RALYL: variants seen among roughly 807,000 people sequenced by gnomAD.
RALYL encodes the protein RNA-binding Raly-like protein.
In RALYL, 29 loss-of-function variants were observed where a neutral mutation model predicts 35.1. That is an observed-to-expected ratio of 0.83 (90% CI 0.61 to 1.13). The LOEUF (loss-of-function observed/expected upper bound fraction) is 1.13, where lower values mean the gene tolerates loss of function less well. Among genes scored for constraint, RALYL ranks in the 50% most tolerant of loss-of-function variants. The pLI is 0.00. For missense variants in RALYL, 359 were observed against 360.4 expected, an observed-to-expected ratio of 1.00 and a Z score of 0.03; for synonymous variants, 120 against 127.6, an observed-to-expected ratio of 0.94 and a Z score of 0.40.
chr8:84,815,580 G>A (rs1827036674), intron 4 of RALYL, among the ~76,000 whole-genome samples: 1 of 151,490 alleles, frequency 6.6e-6, no homozygotes, highest in Admixed American at 6.6e-5. Context: ...GAGGGCTTAA[G>A]TTTGGGGGCT....
chr8:84,687,446 T>C (rs1051684249), intron 2 of RALYL, among the ~76,000 whole-genome samples: 1 of 152,224 alleles, frequency 6.6e-6, no homozygotes, highest in Non-Finnish European at 1.5e-5. Context: ...ACTGATTAGG[T>C]TAATTGATTT....
At chr8:84,342,363 C>T (rs76142458) in intron 1 of RALYL, among the ~76,000 whole-genome samples, 3 of 141,434 alleles carry the variant, frequency 2.1e-5, no homozygotes, top group Admixed American at 7.2e-5. Context: ...ACACATTAAT[C>T]GTCTGTGAAG....
At chr8:84,367,802 A>T (rs1854795724) in intron 1 of RALYL, among the ~76,000 whole-genome samples, 1 of 152,122 alleles carries the variant, frequency 6.6e-6, no homozygotes, top group Non-Finnish European at 1.5e-5. Flanking sequence ...ATTATAGGTA[A>T]GATATCCTAG....
At position 84,804,759 on chromosome 8, in the gene RALYL, T is replaced by A; in HGVS notation, c.333-11T>A. ...TTTATATTAAAAGAAAATTTTCATA[T>A]TTTTTCATAGACTTGAATCAAAGGA... is the stretch of plus-strand genomic sequence containing the variant. On this transcript the variant is annotated splice_polypyrimidine_tract_variant and intron_variant, in intron 3 of 8. Coordinates refer to ENST00000521268, the MANE Select transcript of RALYL (RefSeq NM_173848.7). 1 of 1,167,622 alleles carries A rather than the reference T, an allele frequency of 8.6e-7. No homozygotes were observed. Among genetic ancestry groups the A allele is most frequent in the Non-Finnish European group, 1.1e-6 (1 of 891,728 alleles). The allele number at this position is 1,167,622 out of a possible 1,614,324, so 72.3% of individuals were successfully genotyped here.
chr8:84,648,790 T>C (rs570241153), intron 2 of RALYL, among the ~76,000 whole-genome samples: 14 of 150,966 alleles, frequency 9.3e-5, no homozygotes, highest in Admixed American at 7.3e-4. Context: ...TGAATATGTA[T>C]GTGTATTATT....
chr8:84,354,238 G>A (rs1438118072), intron 1 of RALYL, among the ~76,000 whole-genome samples: 3 of 150,218 alleles, frequency 2.0e-5, no homozygotes, highest in Non-Finnish European at 4.4e-5. Context: ...GTTACTAGAA[G>A]GCACTTGAAC....
At chr8:84,764,642 T>C (rs958513260) in intron 2 of RALYL, among the ~76,000 whole-genome samples, 1 of 152,202 alleles carries the variant, frequency 6.6e-6, no homozygotes, top group Non-Finnish European at 1.5e-5. Context: ...GGCCAACCAA[T>C]GATCTCTACA....
At chr8:84,280,921 T>A (rs1392714207) in intron 1 of RALYL, among the ~76,000 whole-genome samples, 1 of 152,154 alleles carries the variant, frequency 6.6e-6, no homozygotes, top group African/African-American at 2.4e-5. Context: ...AAACTGACTC[T>A]CTTGCTTATT....
chr8:84,896,460 C>T (rs1450841689), intron 8 of RALYL, among the ~76,000 whole-genome samples: 2 of 152,196 alleles, frequency 1.3e-5, no homozygotes, highest in Non-Finnish European at 2.9e-5. Flanking sequence ...TGTGTTAAAG[C>T]TTTAGCCAGG....
At chr8:84,605,490 C>G (rs1333436746) in intron 2 of RALYL, among the ~76,000 whole-genome samples, 2 of 152,082 alleles carry the variant, frequency 1.3e-5, no homozygotes, top group Non-Finnish European at 2.9e-5. Flanking sequence ...TCACCTGGTG[C>G]TCATTTCAAT....
intron 1 of RALYL, among the ~76,000 whole-genome samples, chr8:84,476,982 A>G (rs1199790929): frequency 6.6e-6 from 1 of 152,166 alleles, no homozygotes; most frequent in Non-Finnish European, 1.5e-5. Flanking sequence ...GCAGAGAAAT[A>G]ATAATATGGA....
intron 5 of RALYL, among the ~76,000 whole-genome samples, chr8:84,851,236 CAT>C (rs1835802583): frequency 6.6e-6 from 1 of 152,114 alleles, no homozygotes; most frequent in Admixed American, 6.6e-5. Context: ...CAAAAAAAAT[CAT>C]TGACAGACTT....
intron 2 of RALYL, among the ~76,000 whole-genome samples, chr8:84,736,329 GA>G (rs886579402): frequency 6.6e-6 from 1 of 151,902 alleles, no homozygotes; most frequent in Non-Finnish European, 1.5e-5. Context: ...AGAAGATAAG[GA>G]AAAAAATCAT....
chr8:84,423,925 A>C (rs2046006195), intron 1 of RALYL, among the ~76,000 whole-genome samples: 1 of 151,742 alleles, frequency 6.6e-6, no homozygotes, highest in South Asian at 2.1e-4. Flanking sequence ...ATCTGCTGTT[A>C]GTCTGATGGG....
intron 2 of RALYL, among the ~76,000 whole-genome samples, chr8:84,621,629 T>C (rs1788209394): frequency 6.6e-6 from 1 of 152,212 alleles, no homozygotes; most frequent in African/African-American, 2.4e-5. Context: ...CCCCCGACTA[T>C]AGAACTTTCA....
At chr8:84,655,541 C>T (rs1490430316) in intron 2 of RALYL, among the ~76,000 whole-genome samples, 1 of 152,128 alleles carries the variant, frequency 6.6e-6, no homozygotes, top group Non-Finnish European at 1.5e-5. Flanking sequence ...GTTGGCCAGG[C>T]TGGTCTCAAA....
intron 1 of RALYL, among the ~76,000 whole-genome samples, chr8:84,376,171 A>T (rs1314538671): frequency 6.6e-6 from 1 of 151,890 alleles, no homozygotes; most frequent in African/African-American, 2.4e-5. Context: ...AAATTGACTT[A>T]TACTCAAGGA....
At chr8:84,889,784 G>T (rs909820888) in intron 8 of RALYL, among the ~76,000 whole-genome samples, 1 of 151,930 alleles carries the variant, frequency 6.6e-6, no homozygotes, top group African/African-American at 2.4e-5. Flanking sequence ...TCCTCATTCT[G>T]GTAAACAGCA....
At chr8:84,588,553 T>A (rs1433775335) in intron 2 of RALYL, among the ~76,000 whole-genome samples, 1 of 152,210 alleles carries the variant, frequency 6.6e-6, no homozygotes, top group East Asian at 1.9e-4. Flanking sequence ...CGTTTCCAGA[T>A]ATGCCATGGT....
Sources: gnomAD v4.1 joint callset for allele counts (sites outside exome capture counted in the v4.1 genomes callset) on GRCh38, gnomAD v4.1.1 for gene constraint, MANE v1.5 for transcripts, NCBI Gene and HGNC (gene_info 2026-07-23, HGNC 2026-07-21) for gene names.